GPC4: variants seen among roughly 807,000 people sequenced by gnomAD.
GPC4 encodes the protein glypican-4.
GPC4 carries 10 observed loss-of-function variants against 35.0 expected under a neutral mutation model. That is an observed-to-expected ratio of 0.29 (90% confidence interval 0.18 to 0.48). The LOEUF is 0.48. GPC4 is among the 20% of genes least tolerant of loss of function. The pLI is 0.99. For missense variants in GPC4, 322 were observed against 451.3 expected, an observed-to-expected ratio of 0.71 and a Z score of 2.60; for synonymous variants, 167 against 170.2, an observed-to-expected ratio of 0.98 and a Z score of 0.15.
intron 2 of GPC4, among the ~76,000 whole-genome samples, chrX:133,329,711 T>A (rs975079453): frequency 3.6e-5 from 4 of 111,576 alleles, no homozygotes; most frequent in African/African-American, 9.8e-5. Flanking sequence ...GTATTTCATT[T>A]GCATACTACC....
intron 1 of GPC4, among the ~76,000 whole-genome samples, chrX:133,392,588 C>T (rs148430060): frequency 0.014 from 1,428 of 102,015 alleles, 32 homozygotes; most frequent in African/African-American, 0.049. Context: ...TAAAGAAAGA[C>T]ATAGAAATGG....
intron 3 of GPC4, among the ~76,000 whole-genome samples, chrX:133,311,736 T>C (rs1331222513): frequency 2.7e-5 from 3 of 110,324 alleles, no homozygotes; most frequent in African/African-American, 9.9e-5. Context: ...CTCAATTATC[T>C]CAAAATCCTT....
chrX:133,340,851 A>T (rs2124134641), intron 1 of GPC4, among the ~76,000 whole-genome samples: 1 of 112,030 alleles, frequency 8.9e-6, no homozygotes, highest in Admixed American at 9.5e-5. Flanking sequence ...GCCCCCAAAA[A>T]AGGGGAGTAT....
intron 4 of GPC4, among the ~76,000 whole-genome samples, chrX:133,307,770 T>A (rs2068297040): frequency 9.0e-6 from 1 of 111,630 alleles, no homozygotes; most frequent in Non-Finnish European, 1.9e-5. Context: ...AATAAACATC[T>A]AAAATGCAGA....
At chrX:133,381,632 GCCATATGTA>G (rs753875479) in intron 1 of GPC4, among the ~76,000 whole-genome samples, 1 of 112,497 alleles carries the variant, frequency 8.9e-6, no homozygotes, top group South Asian at 3.7e-4. Context: ...AAGGTCACAT[GCCATATGTA>G]TGGCAATATT....
chrX:133,386,721 A>G (rs1316830176), intron 1 of GPC4, among the ~76,000 whole-genome samples: 1 of 111,973 alleles, frequency 8.9e-6, no homozygotes, highest in East Asian at 2.8e-4. Flanking sequence ...ACTTGAACTA[A>G]AAGTATCTAT....
intron 1 of GPC4, among the ~76,000 whole-genome samples, chrX:133,354,568 A>ATTTTTTT (rs77166014): frequency 4.2e-5 from 4 of 95,206 alleles, no homozygotes; most frequent in Non-Finnish European, 8.2e-5. Flanking sequence ...TTATTTATTT[A>ATTTTTTT]TTTTTTTTTT....
At chrX:133,396,134 C>G (rs16993044) in intron 1 of GPC4, among the ~76,000 whole-genome samples, 1 of 111,535 alleles carries the variant, frequency 9.0e-6, no homozygotes, top group Admixed American at 9.6e-5. Flanking sequence ...ATGACTATCA[C>G]GACTGAAATA....
chrX:133,325,010 T>C (rs753325626), intron 2 of GPC4, among the ~76,000 whole-genome samples: 24 of 111,885 alleles, frequency 2.1e-4, no homozygotes, highest in African/African-American at 7.4e-4. Flanking sequence ...TTATTTTACT[T>C]GGGCCTGAAT....
chrX:133,366,184 T>G (rs1307494430), intron 1 of GPC4, among the ~76,000 whole-genome samples: 1 of 112,306 alleles, frequency 8.9e-6, no homozygotes, highest in Non-Finnish European at 1.9e-5. Flanking sequence ...GCATGTCAGA[T>G]CATAATATCA....
At chrX:133,331,049 C>T (rs1381669111) in intron 2 of GPC4, among the ~76,000 whole-genome samples, 2 of 112,044 alleles carry the variant, frequency 1.8e-5, no homozygotes, top group African/African-American at 6.5e-5. Context: ...TAGCATATCA[C>T]AGAGTACTAG....
chrX:133,397,401 T>C (rs1415426489), intron 1 of GPC4, among the ~76,000 whole-genome samples: 2 of 109,749 alleles, frequency 1.8e-5, no homozygotes, highest in Non-Finnish European at 3.8e-5. Flanking sequence ...CTACAAAAAA[T>C]ATATAATTAG....
chrX:133,359,537 T>A (rs930114867), intron 1 of GPC4, among the ~76,000 whole-genome samples: 16 of 111,844 alleles, frequency 1.4e-4, no homozygotes, highest in African/African-American at 5.2e-4. Flanking sequence ...TTGCAAAGGC[T>A]ATAGTAAGAG....
intron 1 of GPC4, among the ~76,000 whole-genome samples, chrX:133,373,766 A>G (rs2068622954): frequency 1.8e-5 from 2 of 112,145 alleles, no homozygotes; most frequent in African/African-American, 6.5e-5. Flanking sequence ...CAACTTTGAC[A>G]CTAAAGTAAT....
At chrX:133,347,613 GCTAC>G (rs773628669) in intron 1 of GPC4, among the ~76,000 whole-genome samples, 28 of 110,914 alleles carry the variant, frequency 2.5e-4, no homozygotes, top group African/African-American at 9.2e-4. Context: ...GCCCCTCTAA[GCTAC>G]CTAAGACCCC....
chrX:133,414,405 G>T, intron 1 of GPC4: 1 of 349,638 alleles, frequency 2.9e-6, no homozygotes, highest in Non-Finnish European at 3.5e-6. Flanking sequence ...ATACAACAAA[G>T]CGGGGCGTCC....
intron 3 of GPC4, among the ~76,000 whole-genome samples, chrX:133,317,648 T>C (rs752248789): frequency 1.8e-5 from 2 of 111,904 alleles, no homozygotes; most frequent in Admixed American, 1.9e-4. Flanking sequence ...ATACATTCAT[T>C]GCACTATTTT....
At chrX:133,311,782 A>G (rs1450801320) in intron 3 of GPC4, among the ~76,000 whole-genome samples, 1 of 111,336 alleles carries the variant, frequency 9.0e-6, no homozygotes, top group Non-Finnish European at 1.9e-5. Context: ...CATGAGATGC[A>G]GTGGAGGAGA....
At chrX:133,412,195 A>T (rs891312971) in intron 1 of GPC4, among the ~76,000 whole-genome samples, 1 of 111,916 alleles carries the variant, frequency 8.9e-6, no homozygotes, top group African/African-American at 3.3e-5. Context: ...AAGTCACTAT[A>T]TTGACTATCC....
Sources: gnomAD v4.1 joint callset for allele counts (sites outside exome capture counted in the v4.1 genomes callset) on GRCh38, gnomAD v4.1.1 for gene constraint, MANE v1.5 for transcripts, NCBI Gene and HGNC (gene_info 2026-07-23, HGNC 2026-07-21) for gene names.